The following SEC24A variants were observed in gnomAD, a reference collection of about 807,000 sequenced individuals.
SEC24A encodes SEC24 homolog A, COPII component.
SEC24A carries 93 observed loss-of-function variants against 129.4 expected under a neutral mutation model. The observed-to-expected ratio is 0.72, with a 90% CI of 0.61 to 0.85. SEC24A has a LOEUF of 0.85. Ranked by LOEUF, SEC24A falls within the 40% of genes least tolerant of loss-of-function variation. The pLI is 0.00. For missense variants in SEC24A, 1,264 were observed against 1,307.4 expected (o/e 0.97, Z 0.51); for synonymous variants, 460 against 467.3 (o/e 0.98, Z 0.20).
chr5:134,674,847 T>G, intron 5 of SEC24A, 72 bp downstream of exon 5: 4 of 1,335,712 alleles, frequency 3.0e-6, no homozygotes, highest in Non-Finnish European at 4.1e-6. Flanking sequence ...AAGAAAGTTT[T>G]AGGAAGGTAT....
At position 134,726,400 on chromosome 5, in the gene SEC24A, G is replaced by GT. The variant is rs1752758620; in HGVS notation, c.*1312dup. On this transcript the variant is annotated 3_prime_UTR_variant, in exon 23 of 23. Transcript: ENST00000398844. ...TAATACTTGATCAAAATATTTTTGGGTTTTTTGTTTTGTTTTAATGGGTTA... is the reference window on the plus strand; with the variant it reads ...TAATACTTGATCAAAATATTTTTGGGTTTTTTTGTTTTGTTTTAATGGGTTA... 1 of 152,392 alleles carries GT rather than the reference G, an allele frequency of 6.6e-6. No individual in the cohort carries two copies. The highest frequency in any genetic ancestry group is 2.1e-4 in the South Asian group (1 of 4,822). The allele number at this position is 152,392 out of a possible 1,614,324, so 9.4% of individuals were successfully genotyped here. A position where few individuals can be genotyped will look rare whatever the true frequency, so the allele number is the denominator to read the frequency against.
intron 14 of SEC24A, among the ~76,000 whole-genome samples, chr5:134,697,468 A>G (rs1751863020): frequency 6.6e-6 from 1 of 152,178 alleles, no homozygotes; most frequent in Admixed American, 6.6e-5. Flanking sequence ...GCCGGGTATG[A>G]TGGCTCATGC....
intron 20 of SEC24A, among the ~76,000 whole-genome samples, chr5:134,718,803 A>T (rs1405560998): frequency 1.3e-5 from 2 of 151,916 alleles, no homozygotes; most frequent in African/African-American, 4.8e-5. Flanking sequence ...GAAAATCTCT[A>T]CTAAAAATAC....
chr5:134,649,119 A>G lies in SEC24A; in HGVS notation c.43A>G (p.Ser15Gly), dbSNP rs758786886. The part of the protein sequence containing the change: ...GIPASGGAPA[S>G]LQAQNGAALA... ...ACCGGCCTCCGGCGGCGCCCCAGCC[A>G]GCCTCCAGGCCCAGAACGGAGCCGC... Residue 15 changes from serine (S) to glycine (G), a missense_variant, in exon 1 of 23, where the codon AGC (serine) becomes GGC (glycine). Physicochemically the swap from Ser to Gly is moderately conservative, Grantham distance 56. Transcript: ENST00000398844. The G allele has an allele frequency of 6.2e-7, 1 of 1,610,412 alleles. No homozygotes were observed. Among genetic ancestry groups the G allele is most frequent in the East Asian group, 2.3e-5 (1 of 44,442 alleles).
chr5:134,667,629 G>A (rs1750707611), intron 3 of SEC24A, among the ~76,000 whole-genome samples: 1 of 147,872 alleles, frequency 6.8e-6, no homozygotes, highest in African/African-American at 2.5e-5. Flanking sequence ...ACTCCAGCCT[G>A]GGCGACAGAA....
chr5:134,666,203 A>G (rs1045129100), intron 2 of SEC24A, among the ~76,000 whole-genome samples: 1 of 152,084 alleles, frequency 6.6e-6, no homozygotes, highest in Non-Finnish European at 1.5e-5. Flanking sequence ...TCCAAATTTT[A>G]TATTTACTCT....
intron 8 of SEC24A, among the ~76,000 whole-genome samples, 175 bp downstream of exon 8, chr5:134,679,903 T>G (rs1751206914): frequency 6.6e-6 from 1 of 152,008 alleles, no homozygotes. Context: ...ATAAATAAAT[T>G]TAATTATTTA....
intron 9 of SEC24A, among the ~76,000 whole-genome samples, chr5:134,684,413 T>C (rs1751380530): frequency 6.6e-6 from 1 of 151,906 alleles, no homozygotes. Flanking sequence ...AAAGCTTCTA[T>C]ATAGAAAACA....
intron 2 of SEC24A, among the ~76,000 whole-genome samples, chr5:134,664,802 T>TC (rs1173104040): frequency 1.6e-5 from 2 of 126,298 alleles, no homozygotes; most frequent in Non-Finnish European, 1.6e-5. Flanking sequence ...CTTTTTTTTT[T>TC]TTTTTTTTTT....
At chr5:134,697,665 A>C (rs1751869235) in intron 14 of SEC24A, among the ~76,000 whole-genome samples, 1 of 152,084 alleles carries the variant, frequency 6.6e-6, no homozygotes, top group South Asian at 2.1e-4. Context: ...CTGAGGTGGG[A>C]AGAGTGCTTG....
intron 15 of SEC24A, among the ~76,000 whole-genome samples, chr5:134,699,991 G>A (rs543834944): frequency 1.2e-4 from 18 of 151,334 alleles, no homozygotes; most frequent in South Asian, 2.1e-4. Flanking sequence ...ATGAGCCACC[G>A]CACCCAGCCT....
At position 134,679,646 on chromosome 5, in the gene SEC24A, AT is replaced by A; in HGVS notation, c.1300del (p.Cys434AlafsTer37). Reference sequence around the variant, plus strand: ...CCAGTACAATTGTGAGATGCCGTTCATGCAGGACGTACATCAATCCTTTCGT... The same window carrying A: ...CCAGTACAATTGTGAGATGCCGTTCAGCAGGACGTACATCAATCCTTTCGT... ...TSSTIVRCRS[C>X]RTYINPFVSF... On this transcript the variant is annotated frameshift_variant, in exon 8 of 23. Transcript: ENST00000398844. LOFTEE classifies it high-confidence loss of function. The A allele has an allele frequency of 6.3e-7, 1 of 1,599,566 alleles. No individual in the cohort carries two copies. Among genetic ancestry groups the A allele is most frequent in the Non-Finnish European group, 8.5e-7 (1 of 1,169,822 alleles).
chr5:134,709,101 A>G (rs1752247089), intron 18 of SEC24A, among the ~76,000 whole-genome samples: 2 of 152,044 alleles, frequency 1.3e-5, no homozygotes, highest in Non-Finnish European at 2.9e-5. Flanking sequence ...AGTCCCAGCT[A>G]CTTGGGATGC....
At chr5:134,670,831 A>G (rs1750830094) in intron 3 of SEC24A, among the ~76,000 whole-genome samples, 1 of 152,020 alleles carries the variant, frequency 6.6e-6, no homozygotes, top group African/African-American at 2.4e-5. Flanking sequence ...CTACTAAAAT[A>G]CAAAAACATT....
intron 11 of SEC24A, 90 bp from the exon 12 acceptor site, chr5:134,692,512 A>G: frequency 1.5e-6 from 1 of 667,150 alleles, no homozygotes; most frequent in Non-Finnish European, 2.6e-6. Context: ...TTTTTAAGGA[A>G]GGGGGTGGTT....
At chr5:134,718,295 C>A in intron 20 of SEC24A, 122 bp downstream of exon 20, 1 of 620,694 alleles carries the variant, frequency 1.6e-6, no homozygotes, top group Non-Finnish European at 2.9e-6. Context: ...AACCTATATA[C>A]AGTCGTACAC....
At chr5:134,663,449 T>C (rs1444115182) in intron 2 of SEC24A, among the ~76,000 whole-genome samples, 1 of 152,192 alleles carries the variant, frequency 6.6e-6, no homozygotes, top group African/African-American at 2.4e-5. Flanking sequence ...AACAGTCTCT[T>C]ACAGATCTAA....
At chr5:134,678,545 T>C (rs1322017028) in intron 7 of SEC24A, among the ~76,000 whole-genome samples, 1 of 151,690 alleles carries the variant, frequency 6.6e-6, no homozygotes, top group Non-Finnish European at 1.5e-5. Flanking sequence ...TCCTCCTGCT[T>C]TGGCCTTCCA....
chr5:134,711,218 T>C (rs1447066755), intron 18 of SEC24A, among the ~76,000 whole-genome samples: 1 of 152,074 alleles, frequency 6.6e-6, no homozygotes, highest in Non-Finnish European at 1.5e-5. Flanking sequence ...AACCCAATAC[T>C]TTGAGAGGCC....
Sources: gnomAD v4.1 joint callset for allele counts (sites outside exome capture counted in the v4.1 genomes callset) on GRCh38, gnomAD v4.1.1 for gene constraint, MANE v1.5 for transcripts, NCBI Gene and HGNC (gene_info 2026-07-23, HGNC 2026-07-21) for gene names.